Variants in SSH1 observed in about 807,000 individuals in gnomAD.
SSH1 encodes slingshot protein phosphatase 1, also known as protein phosphatase Slingshot homolog 1.
A neutral mutation model predicts 79.7 loss-of-function variants in SSH1; 43 were observed. The ratio of observed to expected loss-of-function variants is 0.54; its 90% CI spans 0.42 to 0.70. The LOEUF is 0.70. SSH1 is among the 30% of genes least tolerant of loss of function. SSH1 has a pLI of 0.00. For synonymous variants in SSH1, 599 were observed against 538.3 expected (o/e 1.11, Z -1.56); for missense variants, 1,206 against 1,358.8 (o/e 0.89, Z 1.77).
intron 7 of SSH1, among the ~76,000 whole-genome samples, chr12:108,808,821 CTTTTTTT>C (rs148110288): frequency 2.4e-4 from 19 of 80,278 alleles, no homozygotes; most frequent in Middle Eastern, 8.3e-3. Context: ...TCTTTTACTT[CTTTTTTT>C]TTTTTTTTTT....
chr12:108,839,363 C>G (rs2038720551), intron 2 of SSH1, among the ~76,000 whole-genome samples: 1 of 152,228 alleles, frequency 6.6e-6, no homozygotes, highest in African/African-American at 2.4e-5. Flanking sequence ...AAGAGCCACT[C>G]CTAGACTCCC....
In SSH1 at chr12:108,792,526, G is replaced by A. The variant is rs150917126; in HGVS notation, c.1653C>T (p.His551=). ...CTTGCTGGGGCTGTCTGGCCGGCCT[G>A]TGCACCTCTGCAGGTGGAGCAGCTT... ...LEEAAPPAEV[H]RPARQPQQGS... Residue 551 remains histidine, a synonymous_variant, in exon 14 of 15, where the codon CAC becomes CAT. Transcript: ENST00000326495. The A allele has an allele frequency of 7.4e-6, 12 of 1,614,180 alleles. No individual in the cohort carries two copies. The African/African-American group carries it at 1.1e-4, about 14-fold the overall frequency.
intron 2 of SSH1, among the ~76,000 whole-genome samples, chr12:108,826,879 T>C (rs1269290325): frequency 6.6e-6 from 1 of 152,018 alleles, no homozygotes; most frequent in East Asian, 1.9e-4. Context: ...CACCCAGAAG[T>C]CACTCTTCTC....
intron 5 of SSH1, among the ~76,000 whole-genome samples, chr12:108,816,429 A>T (rs2037888968): frequency 6.6e-6 from 1 of 152,236 alleles, no homozygotes; most frequent in African/African-American, 2.4e-5. Context: ...ACAGGCATTC[A>T]TTTATCTTGT....
At chr12:108,799,716 G>A (rs1026012052) in intron 12 of SSH1, among the ~76,000 whole-genome samples, 1 of 152,204 alleles carries the variant, frequency 6.6e-6, no homozygotes, top group Non-Finnish European at 1.5e-5. Context: ...CAGACAGGAG[G>A]GCCAGGGAGC....
At chr12:108,791,839 T>C in intron 14 of SSH1, 4 of 807,018 alleles carry the variant, frequency 5.0e-6, no homozygotes, top group Non-Finnish European at 6.5e-6. Flanking sequence ...AATCTGGGAT[T>C]GGTTCCAGGA....
rs777317247 is a variant in SSH1 at position 108,792,733 on chromosome 12, C to G, written c.1446G>C (p.Glu482Asp). The stretch of plus-strand genomic sequence containing the variant: ...GGCTTTCCGGGGTGCCATCTGGGGT[C>G]TCTGGCAAGAAGTCGCCAGGTCCTG... ...DPAGPGDFLPETPDGTPESQL... is the reference protein window; with the variant it reads ...DPAGPGDFLPDTPDGTPESQL... The change falls in exon 14 of 15, where the codon GAG becomes GAC. Residue 482 changes from glutamate (E) to aspartate (D), a missense_variant. Coordinates refer to ENST00000326495, the MANE Select transcript of SSH1 (RefSeq NM_018984.4). 2.5e-6 allele frequency: 4 copies of G among 1,613,866 alleles called. No individual in the cohort carries two copies. The highest frequency in any genetic ancestry group is 3.4e-6 in the Non-Finnish European group (4 of 1,180,034).
Position 108,783,955 on chromosome 12 carries a change from G to C in SSH1, c.*4033C>G, listed in dbSNP as rs1303840863. 1 of 152,280 alleles carries C rather than the reference G, an allele frequency of 6.6e-6. No individual in the cohort carries two copies. Among genetic ancestry groups the C allele is most frequent in the East Asian group, 1.9e-4 (1 of 5,200 alleles). The allele number at this position is 152,280 out of a possible 1,614,324, so 9.4% of individuals were successfully genotyped here. A position where few individuals can be genotyped will look rare whatever the true frequency, so the allele number is the denominator to read the frequency against. ...TGATCTACCCAGCTCTCTTGCCAGA[G>C]GTGAAGGGGGTCCCCTCGCTGAGTT... is the stretch of plus-strand genomic sequence containing the variant. On this transcript the variant is annotated 3_prime_UTR_variant, in exon 15 of 15. Transcript: ENST00000326495.
intron 4 of SSH1, 61 bp downstream of exon 4, chr12:108,818,184 CAAGA>C: frequency 2.1e-5 from 28 of 1,336,864 alleles, no homozygotes; most frequent in Non-Finnish European, 2.9e-5. Flanking sequence ...GGCAACAGAG[CAAGA>C]CCCTCATCTC....
At chr12:108,800,654 G>T (rs773757232) in intron 12 of SSH1, 126 bp downstream of exon 12, 3 of 1,151,560 alleles carry the variant, frequency 2.6e-6, no homozygotes, top group African/African-American at 1.6e-5. Flanking sequence ...CAACTCCTGC[G>T]TCTGGAGTCC....
At chr12:108,801,414 T>C (rs1450679279) in intron 11 of SSH1, among the ~76,000 whole-genome samples, 2 of 152,176 alleles carry the variant, frequency 1.3e-5, no homozygotes, top group African/African-American at 2.4e-5. Flanking sequence ...CCAGGTTCTG[T>C]AGTTCTCTCA....
rs1440877332 is a variant in SSH1, at chr12:108,792,545, G to A, written c.1634C>T (p.Ala545Val). 7 of 1,614,158 alleles carry A rather than the reference G, an allele frequency of 4.3e-6. No individual in the cohort carries two copies. The highest frequency in any genetic ancestry group is 1.6e-4 in the Middle Eastern group (1 of 6,062). The change falls in exon 14 of 15, where the codon GCT (alanine) becomes GTT (valine). Residue 545 changes from alanine (A) to valine (V), a missense_variant. By Grantham distance (64) the Ala-to-Val change is moderately conservative (BLOSUM62 0). Transcript: ENST00000326495. The stretch of plus-strand genomic sequence containing the variant: ...CGGCCTGTGCACCTCTGCAGGTGGA[G>A]CAGCTTCCTCCAACAGAGCCTCCCT... ...PEREALLEEAAPPAEVHRPAR... is the reference protein window; with the variant it reads ...PEREALLEEAVPPAEVHRPAR...
In SSH1 at chr12:108,792,667, C is replaced by G; in HGVS notation, c.1512G>C (p.Gly504=). The G allele has an allele frequency of 1.2e-6, 2 of 1,611,928 alleles. No individual in the cohort carries two copies. The highest frequency in any genetic ancestry group is 2.2e-5 in the South Asian group (2 of 91,076). ...GCCGGAAACAGCAGGGGAGGGGGGG[C>G]CCTAAGCCGGGCTGGGCGGCATCAT... The part of the protein sequence containing the change: ...FLDDAAQPGL[G]PPLPCCFRRL... Residue 504 remains glycine (G), a synonymous_variant, in exon 14 of 15, where the codon GGG becomes GGC. Coordinates refer to ENST00000326495, the MANE Select transcript of SSH1 (RefSeq NM_018984.4).
At chr12:108,811,627 G>C (rs886689354) in intron 5 of SSH1, 1 of 455,826 alleles carries the variant, frequency 2.2e-6, no homozygotes, top group African/African-American at 2.0e-5. Context: ...GGCCACATGT[G>C]TACTTGGGGG....
chr12:108,809,732 C>T lies in SSH1; in HGVS notation c.497G>A (p.Arg166Lys), dbSNP rs1295762775. Reference sequence around the variant, plus strand: ...AGACACAGGCTTAAATATGTGCATCCTTCCTGCTGTGCTCACGCTGAACCC... The same window carrying T: ...AGACACAGGCTTAAATATGTGCATCTTTCCTGCTGTGCTCACGCTGAACCC... ...DGGFSVSTAGRMHIFKPVSVQ... is the reference protein window; with the variant it reads ...DGGFSVSTAGKMHIFKPVSVQ... The change falls in exon 7 of 15, where the codon AGG becomes AAG. Residue 166 changes from arginine to lysine, a missense_variant. Around this residue, in one of 5 missense-constraint regions of SSH1, gnomAD observed 115 missense variants for 173.9 expected, o/e 0.66. Transcript: ENST00000326495. 3 of 1,613,904 alleles carry T rather than the reference C, an allele frequency of 1.9e-6. No homozygotes were observed. Among genetic ancestry groups the T allele is most frequent in the Non-Finnish European group, 2.5e-6 (3 of 1,179,934 alleles).
At position 108,818,218 on chromosome 12, in the gene SSH1, T is replaced by G. The variant is rs540749616; in HGVS notation, c.279+31A>C. On this transcript the variant is annotated intron_variant, in intron 4 of 14. Transcript: ENST00000326495. ...CATCTCACAAAAATTAAAAAAAAAT[T>G]TTTTAACTTGACATTCTCACTGCTT... 1.3e-4 allele frequency: 215 copies of G among 1,609,470 alleles called. 2 individuals carry two copies. The highest frequency in any genetic ancestry group is 5.8e-4 in the Admixed American group (35 of 59,970).
At position 108,807,683 on chromosome 12, in the gene SSH1, C is replaced by T. The variant is rs374820011; in HGVS notation, c.681G>A (p.Met227Ile). 6.2e-6 allele frequency: 10 copies of T among 1,613,228 alleles called. No individual in the cohort carries two copies. Among genetic ancestry groups the T allele is most frequent in the Non-Finnish European group, 8.5e-6 (10 of 1,179,552 alleles). Residue 227 changes from methionine (M) to isoleucine (I), a missense_variant, in exon 8 of 15, where the codon ATG (methionine) becomes ATA (isoleucine). Coordinates refer to ENST00000326495, the MANE Select transcript of SSH1 (RefSeq NM_018984.4). This position sits in a 1 kb window ranked among gnomAD's most constrained non-coding sequence, Gnocchi z 5.2. Reference protein sequence around the residue: ...EQSCINEWNAMQDLESTRPDS... With the variant: ...EQSCINEWNAIQDLESTRPDS... ...CGGGCCGCGTAGACTCCAGGTCCTGCATGGCGTTCCACTCGTTGATGCAGC... is the reference window on the plus strand; with the variant it reads ...CGGGCCGCGTAGACTCCAGGTCCTGTATGGCGTTCCACTCGTTGATGCAGC...
At position 108,792,660 on chromosome 12, in the gene SSH1, G is replaced by T. The variant is rs144450121; in HGVS notation, c.1519C>A (p.Leu507Ile). 6 of 1,611,326 alleles carry T rather than the reference G, an allele frequency of 3.7e-6. No individual in the cohort carries two copies. Among genetic ancestry groups the T allele is most frequent in the Non-Finnish European group, 3.4e-6 (4 of 1,179,840 alleles). ...DAAQPGLGPP[L>I]PCCFRRLSDP... ...GAGAGTCGCCGGAAACAGCAGGGGA[G>T]GGGGGGCCCTAAGCCGGGCTGGGCG... The change falls in exon 14 of 15, where the codon CTC becomes ATC. Residue 507 changes from leucine (L) to isoleucine (I), a missense_variant. Transcript: ENST00000326495.
intron 2 of SSH1, among the ~76,000 whole-genome samples, chr12:108,824,954 G>A (rs933112509): frequency 4.6e-5 from 7 of 151,964 alleles, no homozygotes; most frequent in African/African-American, 1.7e-4. Context: ...GGAGGAGGAG[G>A]AATAGATTAT....
Sources: gnomAD v4.1 joint callset for allele counts (sites outside exome capture counted in the v4.1 genomes callset) on GRCh38, gnomAD v4.1.1 for gene constraint, gnomAD v4.1.1 regional missense constraint, Gnocchi (gnomAD v3.1) non-coding constraint, MANE v1.5 for transcripts, NCBI Gene and HGNC (gene_info 2026-07-23, HGNC 2026-07-21) for gene names.